TUB: variants seen among roughly 807,000 people sequenced by gnomAD.
TUB encodes the protein tubby protein homolog.
In TUB, 33 loss-of-function variants were observed where a neutral mutation model predicts 59.7. The observed-to-expected ratio is 0.55, with a 90% CI of 0.42 to 0.74. The LOEUF (loss-of-function observed/expected upper bound fraction) is 0.74. Ranked by LOEUF, TUB falls within the 30% of genes least tolerant of loss-of-function variation. The pLI is 0.00. For missense variants in TUB, 659 were observed against 672.0 expected, an observed-to-expected ratio of 0.98 and a Z score of 0.21; for synonymous variants, 293 against 256.4, an observed-to-expected ratio of 1.14 and a Z score of -1.36.
rs185749309 is a variant in TUB, at chr11:8,038,921, C to T, written c.48C>T (p.Ala16=). ...CTTCTTTCTGGGTTTCTTTCTTTGC[C>T]GAGACAGGGATTTTGTTCCCAGGAG... The change falls in exon 1 of 13, where the codon GCC becomes GCT. Residue 16 remains alanine, a synonymous_variant. Coordinates refer to the TUB transcript ENST00000305253. 3.5e-5 allele frequency: 56 copies of T among 1,614,032 alleles called. No individual in the cohort carries two copies. The East Asian group carries it at 5.3e-4, about 15-fold the overall frequency.
At chr11:8,079,834 G>A (rs1943512152), upstream of TUB, among the ~76,000 whole-genome samples, 1 of 152,072 alleles carries the variant, frequency 6.6e-6, no homozygotes, top group Non-Finnish European at 1.5e-5. Context: ...GTGTGACTTT[G>A]GGCAAGATCC....
At chr11:8,100,725 C>A in intron 10 of TUB, 101 bp from the exon 11 acceptor site, 1 of 1,562,248 alleles carries the variant, frequency 6.4e-7, no homozygotes, top group Non-Finnish European at 8.8e-7. Context: ...CCCTGGAGGT[C>A]TAGGGAAATC....
chr11:8,089,811 G>C, intron 2 of TUB, 150 bp downstream of exon 2: 1 of 1,161,752 alleles, frequency 8.6e-7, no homozygotes, highest in Non-Finnish European at 1.2e-6. Context: ...CTCTCTCCCA[G>C]CTCAGCACTA....
chr11:8,080,878 G>C (rs1406013530), upstream of TUB, among the ~76,000 whole-genome samples: 3 of 152,170 alleles, frequency 2.0e-5, no homozygotes, highest in Non-Finnish European at 4.4e-5. Context: ...CCGCGCCTCC[G>C]GCCCGGTCCC....
intron 2 of TUB, among the ~76,000 whole-genome samples, chr11:8,063,974 G>A (rs115707662): frequency 0.012 from 1,752 of 152,220 alleles, 33 homozygotes; most frequent in African/African-American, 0.04. Context: ...TGGTGACATT[G>A]GACATTCTCT....
chr11:8,101,964 G>C lies in TUB; in HGVS notation c.*345G>C. On this transcript the variant is annotated 3_prime_UTR_variant, in exon 12 of 12. Coordinates refer to ENST00000299506, the MANE Select transcript of TUB (RefSeq NM_177972.3). Reference sequence around the variant, plus strand: ...GGGAAGGCCGCAAGAGGCATAGAGGGAGAGGAAGCACACTGCAGGGCTGCT... The same window carrying C: ...GGGAAGGCCGCAAGAGGCATAGAGGCAGAGGAAGCACACTGCAGGGCTGCT... 3.3e-6 allele frequency: 1 copy of C among 302,214 alleles called. No homozygotes were observed. Among genetic ancestry groups the C allele is most frequent in the Non-Finnish European group, 6.3e-6 (1 of 159,588 alleles). 18.7% of individuals were successfully genotyped at this position (302,214 alleles called of 1,614,324 possible). A position where few individuals can be genotyped will look rare whatever the true frequency, so the allele number is the denominator to read the frequency against.
intron 8 of TUB, among the ~76,000 whole-genome samples, chr11:8,098,242 G>C (rs903982594): frequency 1.3e-5 from 2 of 152,038 alleles, no homozygotes; most frequent in African/African-American, 4.8e-5. Flanking sequence ...AAGGCTCTGA[G>C]CCTAGGCCTC....
chr11:8,040,471 A>G (rs74052188), intron 2 of TUB, among the ~76,000 whole-genome samples: 3,005 of 152,188 alleles, frequency 0.02, 87 homozygotes, highest in African/African-American at 0.07. Context: ...CTCCTCATGG[A>G]TGTCAGTCCC....
chr11:8,034,528 G>A (rs1418845123), upstream of TUB, among the ~76,000 whole-genome samples: 1 of 152,186 alleles, frequency 6.6e-6, no homozygotes, highest in Non-Finnish European at 1.5e-5. Flanking sequence ...GCCTAAAACA[G>A]GCTCCAGAGT....
At chr11:8,031,119 G>A (rs746429488) in intron 1 of TUB, among the ~76,000 whole-genome samples, 11 of 152,230 alleles carry the variant, frequency 7.2e-5, no homozygotes, top group African/African-American at 2.4e-4. Context: ...GTGCACAGGG[G>A]TGTGCCTGCC....
chr11:8,023,917 C>G (rs903873364), intron 1 of TUB, among the ~76,000 whole-genome samples: 10 of 152,232 alleles, frequency 6.6e-5, no homozygotes, highest in Non-Finnish European at 1.2e-4. Context: ...AGTGACCAAA[C>G]TAGCACTCTT....
chr11:8,053,427 C>CT (rs1252500422), intron 2 of TUB, among the ~76,000 whole-genome samples: 6 of 152,026 alleles, frequency 3.9e-5, no homozygotes, highest in Non-Finnish European at 8.8e-5. Context: ...TGCATCTCAT[C>CT]TTTTTTTATG....
rs1384635507 is a variant in TUB at position 8,097,808 on chromosome 11, G to C, written c.980G>C (p.Ser327Thr). The change falls in exon 8 of 12, where the codon AGC becomes ACC. Residue 327 changes from serine to threonine, a missense_variant. This residue lies in a region of TUB where 112 missense variants were observed against 156.9 expected (regional missense o/e 0.71). Coordinates refer to ENST00000299506, the MANE Select transcript of TUB (RefSeq NM_177972.3). ...ACAGACTTGTCTCGAGGAGGGGACA[G>C]CTATATCGGGAAACTGCGGTACTAG... Reference protein sequence around the residue: ...DPTDLSRGGDSYIGKLRSNLM... With the variant: ...DPTDLSRGGDTYIGKLRSNLM... 6.2e-7 allele frequency: 1 copy of C among 1,613,684 alleles called. No homozygotes were observed. The highest frequency in any genetic ancestry group is 8.5e-7 in the Non-Finnish European group (1 of 1,179,862).
chr11:8,081,645 C>T (rs567816720), intron 1 of TUB, 97 bp downstream of exon 1: 151 of 1,320,082 alleles, frequency 1.1e-4, no homozygotes, highest in Non-Finnish European at 1.4e-4. Context: ...GCTGCCCTCC[C>T]CACCTATCCC....
rs527582687 is a variant in TUB at position 8,101,497 on chromosome 11, G to C, written c.1399G>C (p.Val467Leu). 3 of 1,614,180 alleles carry C rather than the reference G, an allele frequency of 1.9e-6. No individual in the cohort carries two copies. Among genetic ancestry groups the C allele is most frequent in the Non-Finnish European group, 2.5e-6 (3 of 1,180,044 alleles). Residue 467 changes from valine to leucine, a missense_variant, in exon 12 of 12, where the codon GTG (valine) becomes CTG (leucine). Coordinates refer to ENST00000299506, the MANE Select transcript of TUB (RefSeq NM_177972.3). ...IIHGNDPDYI[V>L]MQFGRVAEDV... ...GTGCTTGGCCCCAGCGGACTACATC[G>C]TGATGCAGTTTGGCCGGGTAGCAGA...
At chr11:8,044,732 C>T (rs903045038) in intron 2 of TUB, among the ~76,000 whole-genome samples, 42 of 152,216 alleles carry the variant, frequency 2.8e-4, no homozygotes, top group African/African-American at 1.0e-3. Context: ...CAGGTTGTCA[C>T]CTATACTTCT....
upstream of TUB, among the ~76,000 whole-genome samples, chr11:8,081,085 C>G (rs989447860): frequency 6.9e-6 from 1 of 144,974 alleles, no homozygotes; most frequent in African/African-American, 2.5e-5. Flanking sequence ...GAGCGTGGAT[C>G]GCGACGATTT....
intron 1 of TUB, among the ~76,000 whole-genome samples, chr11:8,039,276 G>A (rs1424427939): frequency 6.6e-6 from 1 of 152,124 alleles, no homozygotes; most frequent in African/African-American, 2.4e-5. Context: ...CCCACCATGG[G>A]AGTAAGGGCC....
intron 5 of TUB, 138 bp from the exon 6 acceptor site, chr11:8,096,547 A>G: frequency 1.4e-6 from 1 of 699,698 alleles, no homozygotes; most frequent in Non-Finnish European, 2.6e-6. Context: ...ATATGTGTAG[A>G]TATGGCTAAG....
Sources: allele counts gnomAD v4.1 joint callset (sites outside exome capture counted in the v4.1 genomes callset), GRCh38; gene constraint gnomAD v4.1.1; regional missense constraint gnomAD v4.1.1; transcripts MANE v1.5; gene names NCBI Gene and HGNC (gene_info 2026-07-23, HGNC 2026-07-21).